Variants in ZMIZ1 observed in about 807,000 individuals in gnomAD.
ZMIZ1 encodes zinc finger MIZ domain-containing protein 1.
In ZMIZ1, 17 loss-of-function variants were observed where a neutral mutation model predicts 113.9. That is an observed-to-expected ratio of 0.15 (90% CI 0.10 to 0.22). ZMIZ1 has a LOEUF of 0.22. Among genes scored for constraint, ZMIZ1 ranks in the 10% least tolerant of loss-of-function variants. ZMIZ1 has a pLI of 1.00. For synonymous variants in ZMIZ1, 607 were observed against 603.1 expected (o/e 1.01, Z -0.09); for missense variants, 1,059 against 1,477.8 (o/e 0.72, Z 4.65).
intron 1 of ZMIZ1, among the ~76,000 whole-genome samples, chr10:79,087,321 T>A (rs1466367381): frequency 6.6e-6 from 1 of 152,144 alleles, no homozygotes; most frequent in African/African-American, 2.4e-5. Flanking sequence ...GGATTAGGAG[T>A]AGGCTGACAT....
In ZMIZ1 at chr10:79,250,752, A is replaced by T. The variant is rs564247991; in HGVS notation, c.281-26429A>T. Among the ~76,000 whole-genome samples, 11 of 152,300 alleles carry T rather than the reference A, an allele frequency of 7.2e-5. No individual in the cohort carries two copies. In the East Asian group the frequency reaches 2.1e-3, roughly 29 times the overall value. The stretch of plus-strand genomic sequence containing the variant: ...GCCATCCTAGTGAGAGTGGGCTTGC[A>T]GAATAAGGACTGTGAGTCCAGCCTT... On this transcript the variant is annotated intron_variant, in intron 7 of 24. Transcript: ENST00000334512.
intron 2 of ZMIZ1, among the ~76,000 whole-genome samples, chr10:79,124,422 G>A (rs1844427691): frequency 6.6e-6 from 1 of 152,236 alleles, no homozygotes; most frequent in African/African-American, 2.4e-5. Flanking sequence ...AGTTTTATCT[G>A]ACACCATAAT....
chr10:79,090,963 G>GTGCCAATA (rs1413368403), intron 1 of ZMIZ1, among the ~76,000 whole-genome samples: 1 of 152,218 alleles, frequency 6.6e-6, no homozygotes, highest in African/African-American at 2.4e-5. Flanking sequence ...CTGCCCGTCT[G>GTGCCAATA]TGCCAATAGA....
chr10:79,184,140 A>T (rs1025239234), intron 4 of ZMIZ1, among the ~76,000 whole-genome samples: 13 of 152,070 alleles, frequency 8.5e-5, no homozygotes, highest in African/African-American at 3.1e-4. Context: ...TTCCTGTGGG[A>T]GGACAGTGTG....
At chr10:79,258,038 C>T (rs1400199781) in intron 7 of ZMIZ1, among the ~76,000 whole-genome samples, 3 of 152,304 alleles carry the variant, frequency 2.0e-5, no homozygotes, top group African/African-American at 7.2e-5. Flanking sequence ...CAGAGCCCAG[C>T]GTGGGAGCCA....
intron 11 of ZMIZ1, 47 bp from the exon 12 acceptor site, chr10:79,293,334 A>G: frequency 6.7e-7 from 1 of 1,496,164 alleles, no homozygotes; most frequent in Non-Finnish European, 8.9e-7. Flanking sequence ...GTGGCATTTT[A>G]TTCTTTTTTT....
intron 1 of ZMIZ1, among the ~76,000 whole-genome samples, chr10:79,095,835 A>G (rs775952006): frequency 3.3e-5 from 5 of 152,134 alleles, no homozygotes; most frequent in Non-Finnish European, 5.9e-5. Context: ...GGGTCCCTGC[A>G]TCTGTGTCCT....
chr10:79,185,442 C>A (rs1364802647), intron 4 of ZMIZ1, among the ~76,000 whole-genome samples: 1 of 152,180 alleles, frequency 6.6e-6, no homozygotes, highest in African/African-American at 2.4e-5. Context: ...CCTCCCATGC[C>A]AGCTGGGGCT....
rs764429011 is a variant in ZMIZ1, at chr10:79,293,826, T to G, written c.1230+173T>G. On this transcript the variant is annotated intron_variant, in intron 12 of 24. Coordinates refer to ENST00000334512, the MANE Select transcript of ZMIZ1 (RefSeq NM_020338.4). ...GGGTTTGAGACCTGGTTCTGCTGTT[T>G]CCCAACTGAAAGACCTCGAGCCAGT... The G allele has an allele frequency of 1.8e-5, 18 of 991,864 alleles. No individual in the cohort carries two copies. The Admixed American group carries it at 2.1e-4, about 12-fold the overall frequency. The allele number at this position is 991,864 out of a possible 1,614,324, so 61.4% of individuals were successfully genotyped here.
intron 7 of ZMIZ1, among the ~76,000 whole-genome samples, chr10:79,239,120 C>G (rs936062022): frequency 6.6e-6 from 1 of 152,090 alleles, no homozygotes; most frequent in Non-Finnish European, 1.5e-5. Flanking sequence ...AGAACAGTGT[C>G]ATAAAGACAC....
At chr10:79,203,267 A>G (rs1848176280) in intron 5 of ZMIZ1, among the ~76,000 whole-genome samples, 1 of 152,212 alleles carries the variant, frequency 6.6e-6, no homozygotes, top group Admixed American at 6.5e-5. Context: ...GTGTCTTCTT[A>G]TTAGCATCGA....
chr10:79,101,808 C>T (rs184152460), intron 1 of ZMIZ1, among the ~76,000 whole-genome samples: 2 of 152,254 alleles, frequency 1.3e-5, no homozygotes, highest in East Asian at 1.9e-4. Context: ...ACACTGTCCC[C>T]GACCATAAAC....
chr10:79,160,763 G>A (rs531499973), intron 3 of ZMIZ1, among the ~76,000 whole-genome samples: 4 of 152,256 alleles, frequency 2.6e-5, no homozygotes, highest in Non-Finnish European at 5.9e-5. Flanking sequence ...GCCCCTTGGC[G>A]TGTATGGAGG....
At chr10:79,250,469 G>A (rs1850480355) in intron 7 of ZMIZ1, among the ~76,000 whole-genome samples, 2 of 152,238 alleles carry the variant, frequency 1.3e-5, no homozygotes, top group African/African-American at 4.8e-5. Flanking sequence ...CTGTCCCTCC[G>A]GCAGCCATCA....
intron 4 of ZMIZ1, among the ~76,000 whole-genome samples, chr10:79,163,511 C>T (rs1846197284): frequency 6.6e-6 from 1 of 152,236 alleles, no homozygotes; most frequent in African/African-American, 2.4e-5. Context: ...GTGTGTGTGT[C>T]AGGCACTATG....
intron 2 of ZMIZ1, among the ~76,000 whole-genome samples, chr10:79,128,459 A>G (rs1364199881): frequency 6.6e-6 from 1 of 152,204 alleles, no homozygotes; most frequent in Non-Finnish European, 1.5e-5. Flanking sequence ...CTCATCTCAG[A>G]AATGGGCATG....
At chr10:79,105,581 G>A (rs1843526163) in intron 1 of ZMIZ1, among the ~76,000 whole-genome samples, 1 of 152,216 alleles carries the variant, frequency 6.6e-6, no homozygotes, top group Admixed American at 6.5e-5. Flanking sequence ...AAGGACAGCT[G>A]CCAGTGACTG....
chr10:79,278,954 C>T (rs1052148964), intron 8 of ZMIZ1, among the ~76,000 whole-genome samples: 6 of 152,254 alleles, frequency 3.9e-5, no homozygotes, highest in Non-Finnish European at 7.3e-5. Flanking sequence ...CTGTTGGGTA[C>T]ACCTCCCAGA....
intron 1 of ZMIZ1, among the ~76,000 whole-genome samples, chr10:79,099,731 TA>T (rs1843294923): frequency 6.6e-6 from 1 of 152,182 alleles, no homozygotes; most frequent in Non-Finnish European, 1.5e-5. Flanking sequence ...CATCTCTCCA[TA>T]AACCCCCTGT....
Sources: gnomAD v4.1 joint callset for allele counts (sites outside exome capture counted in the v4.1 genomes callset) on GRCh38, gnomAD v4.1.1 for gene constraint, MANE v1.5 for transcripts, NCBI Gene and HGNC (gene_info 2026-07-23, HGNC 2026-07-21) for gene names.